The following LRCH1 variants were observed in gnomAD, a reference collection of about 807,000 sequenced individuals.
The protein encoded by LRCH1 is leucine-rich repeat and calponin homology domain-containing protein 1.
LRCH1 carries 23 observed loss-of-function variants against 94.9 expected under a neutral mutation model. The ratio of observed to expected loss-of-function variants is 0.24; its 90% CI spans 0.17 to 0.34. LRCH1 has a LOEUF of 0.34. Among genes scored for constraint, LRCH1 ranks in the 10% least tolerant of loss-of-function variants. The probability of loss-of-function intolerance (pLI) is 1.00; values close to 1 mark genes in which losing one functional copy is unlikely to be tolerated. For missense variants in LRCH1, 790 were observed against 945.9 expected, an observed-to-expected ratio of 0.84 and a Z score of 2.16; for synonymous variants, 364 against 354.9, an observed-to-expected ratio of 1.03 and a Z score of -0.29.
chr13:46,690,055 C>G (rs984444791), intron 7 of LRCH1, among the ~76,000 whole-genome samples: 1 of 116,656 alleles, frequency 8.6e-6, no homozygotes, highest in Non-Finnish European at 1.8e-5. Context: ...ACATTTTTTT[C>G]TATGTATGAC....
chr13:46,707,582 C>A lies in LRCH1; in HGVS notation c.1527+2278C>A, dbSNP rs539565981. 9.7e-4 allele frequency among the ~76,000 whole-genome samples: 148 copies of A among 152,276 alleles called. 1 individual carries two copies. The highest frequency in any genetic ancestry group is 3.4e-3 in the African/African-American group (143 of 41,564). ...TTTTGACTCTAGTAAAATAGATGGC[C>A]ACCTGTTTGCATGATTTCAGGAGCA... On this transcript the variant is annotated intron_variant, in intron 13 of 19. Transcript: ENST00000389797.
intron 1 of LRCH1, among the ~76,000 whole-genome samples, chr13:46,576,064 C>T (rs1215426274): frequency 6.6e-6 from 1 of 152,170 alleles, no homozygotes; most frequent in South Asian, 2.1e-4. Flanking sequence ...TGGAATTAGT[C>T]AGCATTCCTT....
intron 1 of LRCH1, among the ~76,000 whole-genome samples, chr13:46,598,807 T>G (rs576591869): frequency 6.6e-6 from 1 of 152,202 alleles, no homozygotes; most frequent in Non-Finnish European, 1.5e-5. Flanking sequence ...CAATGCTCTA[T>G]GGTATAAAAA....
In LRCH1 at chr13:46,585,623, T is replaced by C. The variant is rs375860823; in HGVS notation, c.307+31920T>C. 3.0e-3 allele frequency among the ~76,000 whole-genome samples: 460 copies of C among 151,972 alleles called. 3 individuals are homozygous for C. The highest frequency in any genetic ancestry group is 0.019 in the South Asian group (93 of 4,808). ...ACCGATTTTGTAGAAATTAGTGTGA[T>C]CTGAAGCTAGTTGTCCTGAATATGC... On this transcript the variant is annotated intron_variant, in intron 1 of 19. Coordinates refer to ENST00000389797, the MANE Select transcript of LRCH1 (RefSeq NM_001164211.2).
Position 46,701,164 on chromosome 13 carries a change from G to A in LRCH1, c.1357G>A (p.Glu453Lys), listed in dbSNP as rs140087175. Residue 453 changes from glutamate (E) to lysine (K), a missense_variant, in exon 11 of 20, where the codon GAG becomes AAG. Coordinates refer to ENST00000389797, the MANE Select transcript of LRCH1 (RefSeq NM_001164211.2). ...KDQDMDIAMI[E>K]QLREAVDLLQ... is the part of the protein sequence containing the mutation. ...TCAGGACATGGATATAGCAATGATC[G>A]AGCAGCTGAGAGAAGCAGTAGATTT... 5.0e-6 allele frequency: 8 copies of A among 1,613,616 alleles called. No individual in the cohort carries two copies. The highest frequency in any genetic ancestry group is 1.7e-5 in the Admixed American group (1 of 59,994).
At chr13:46,704,193 A>G (rs963054972) in intron 11 of LRCH1, among the ~76,000 whole-genome samples, 13 of 152,136 alleles carry the variant, frequency 8.5e-5, no homozygotes, top group African/African-American at 2.9e-4. Context: ...TTTTGGATAT[A>G]GAGAGGACAC....
chr13:46,637,446 G>A (rs1161133326), intron 1 of LRCH1, among the ~76,000 whole-genome samples: 4 of 152,222 alleles, frequency 2.6e-5, no homozygotes, highest in African/African-American at 7.2e-5. Flanking sequence ...CCTACTCCAT[G>A]ACCTCATTGG....
At position 46,657,689 on chromosome 13, in the gene LRCH1, C is replaced by G. The variant is rs868501881; in HGVS notation, c.452+7344C>G. On this transcript the variant is annotated intron_variant, in intron 2 of 19. Coordinates refer to ENST00000389797, the MANE Select transcript of LRCH1 (RefSeq NM_001164211.2). ...TACAGACGTGCGCCACCATGCCCAG[C>G]TAATTTTTTTTTTTTTTTTGGTAGA... is the stretch of plus-strand genomic sequence containing the variant. Among the ~76,000 whole-genome samples, 36 of 25,238 alleles carry G rather than the reference C, an allele frequency of 1.4e-3. 1 individual carries two copies. The South Asian group carries it at 0.028, about 20-fold the overall frequency. The allele number at this position is 25,238 out of a possible 152,430, so 16.6% of individuals were successfully genotyped here. A position where few individuals can be genotyped will look rare whatever the true frequency, so the allele number is the denominator to read the frequency against.
Position 46,715,554 on chromosome 13 carries a change from C to T in LRCH1, c.1655-6C>T. The T allele has an allele frequency of 6.5e-7, 1 of 1,529,252 alleles. No homozygotes were observed. The highest frequency in any genetic ancestry group is 8.8e-7 in the Non-Finnish European group (1 of 1,139,584). 94.7% of individuals were successfully genotyped at this position (1,529,252 alleles called of 1,614,324 possible). A position where few individuals can be genotyped will look rare whatever the true frequency, so the allele number is the denominator to read the frequency against. ...TACGCGGACTGGCTCTCTGGCTCCC[C>T]TGCAGACCCAGCCCTCATTCTTCCT... On this transcript the variant is annotated splice_polypyrimidine_tract_variant and splice_region_variant and intron_variant, in intron 15 of 19. Transcript: ENST00000389797.
Position 46,638,726 on chromosome 13 carries a change from C to A in LRCH1, c.308-11475C>A, listed in dbSNP as rs543868179. Among the ~76,000 whole-genome samples, 3 of 152,258 alleles carry A rather than the reference C, an allele frequency of 2.0e-5. No individual in the cohort carries two copies. The South Asian group carries it at 6.2e-4, about 32-fold the overall frequency. On this transcript the variant is annotated intron_variant, in intron 1 of 19. Coordinates refer to ENST00000389797, the MANE Select transcript of LRCH1 (RefSeq NM_001164211.2). ...ACTGAAGATCTTACATGGCCTCATG[C>A]CTAAGATTATTTACTACACATTGTA...
chr13:46,727,496 T>G (rs1455059937), intron 17 of LRCH1, among the ~76,000 whole-genome samples: 1 of 152,084 alleles, frequency 6.6e-6, no homozygotes, highest in Non-Finnish European at 1.5e-5. Flanking sequence ...GAAGGGGATG[T>G]CTCTATAATT....
At chr13:46,709,443 T>G (rs1198761059) in intron 13 of LRCH1, among the ~76,000 whole-genome samples, 1 of 152,194 alleles carries the variant, frequency 6.6e-6, no homozygotes, top group Non-Finnish European at 1.5e-5. Context: ...TACTGCACCC[T>G]TGCCTCCAGA....
At chr13:46,667,308 A>G (rs2051530056) in intron 2 of LRCH1, among the ~76,000 whole-genome samples, 2 of 152,250 alleles carry the variant, frequency 1.3e-5, no homozygotes, top group Non-Finnish European at 2.9e-5. Flanking sequence ...GCTTTTTCTG[A>G]GCTCATCAGG....
chr13:46,750,467 C>G, intron 18 of LRCH1: 1 of 1,086,476 alleles, frequency 9.2e-7, no homozygotes, highest in Non-Finnish European at 1.4e-6. Context: ...TTGATGTCAT[C>G]AACGATGTAG....
intron 2 of LRCH1, 62 bp downstream of exon 2, chr13:46,650,407 A>G: frequency 2.2e-6 from 3 of 1,391,916 alleles, no homozygotes; most frequent in Non-Finnish European, 2.9e-6. Context: ...TTATGCTTTC[A>G]TTTCTATCCA....
At chr13:46,629,007 G>C (rs1006457886) in intron 1 of LRCH1, among the ~76,000 whole-genome samples, 2 of 152,124 alleles carry the variant, frequency 1.3e-5, no homozygotes, top group African/African-American at 4.8e-5. Flanking sequence ...TTAATATATT[G>C]TTCATTCTGA....
intron 1 of LRCH1, among the ~76,000 whole-genome samples, chr13:46,554,647 T>G (rs2050043251): frequency 6.6e-6 from 1 of 152,212 alleles, no homozygotes; most frequent in Admixed American, 6.5e-5. Context: ...TCTTTGGTAG[T>G]TGGAGTTCCA....
In LRCH1 at chr13:46,723,229, A is replaced by G; in HGVS notation, c.1768A>G (p.Arg590Gly). 6.2e-7 allele frequency: 1 copy of G among 1,605,736 alleles called. No individual in the cohort carries two copies. Among genetic ancestry groups the G allele is most frequent in the South Asian group, 1.1e-5 (1 of 90,680 alleles). ...SEGDSDNVFLRPQRNLESIDP... is the reference protein window; with the variant it reads ...SEGDSDNVFLGPQRNLESIDP... ...TCCCCTTTGTATTGTAGTGTTTCTA[A>G]GACCTCAGAGAAATTTGGAATCTAT... The change falls in exon 17 of 20, where the codon AGA becomes GGA. Residue 590 changes from arginine to glycine, a missense_variant. By Grantham distance (125) the Arg-to-Gly change is moderately radical. Coordinates refer to ENST00000389797, the MANE Select transcript of LRCH1 (RefSeq NM_001164211.2).
chr13:46,695,290 A>G (rs1247025057), intron 9 of LRCH1, among the ~76,000 whole-genome samples: 3 of 152,226 alleles, frequency 2.0e-5, no homozygotes, highest in Non-Finnish European at 4.4e-5. Flanking sequence ...CATTAGTGTG[A>G]CCATTGCCAC....
Sources: gnomAD v4.1 joint callset for allele counts (sites outside exome capture counted in the v4.1 genomes callset) on GRCh38, gnomAD v4.1.1 for gene constraint, MANE v1.5 for transcripts, NCBI Gene and HGNC (gene_info 2026-07-23, HGNC 2026-07-21) for gene names.